NAV3: variants seen among roughly 807,000 people sequenced by gnomAD.
The protein encoded by NAV3 is pore membrane and/or filament interacting like protein 1.
Under a neutral mutation model 244.7 loss-of-function variants are expected in NAV3, and 87 were observed. The ratio of observed to expected loss-of-function variants is 0.36; its 90% CI spans 0.30 to 0.42. The LOEUF is 0.42. Ranked by LOEUF, NAV3 falls within the 20% of genes least tolerant of loss-of-function variation. The pLI is 1.00. For missense variants in NAV3, 2,663 were observed against 2,893.3 expected, an observed-to-expected ratio of 0.92 and a Z score of 1.83; for synonymous variants, 1,126 against 1,042.2, an observed-to-expected ratio of 1.08 and a Z score of -1.55.
rs148442167 is a variant in NAV3 at position 77,632,478 on chromosome 12, A to G, written c.72+60212A>G. 3.2e-3 allele frequency among the ~76,000 whole-genome samples: 485 copies of G among 152,274 alleles called. 1 individual carries two copies. The highest frequency in any genetic ancestry group is 0.011 in the African/African-American group (444 of 41,556). On this transcript the variant is annotated intron_variant, in intron 2 of 8. Coordinates refer to the NAV3 transcript ENST00000550042. ...AGCTTGTGCAGGAGAACTCCTCTTT[A>G]TAAAACCATCAGATCTAGTGAGACT...
intron 9 of NAV3, among the ~76,000 whole-genome samples, chr12:78,046,352 T>C (rs555180649): frequency 6.6e-6 from 1 of 152,348 alleles, no homozygotes; most frequent in African/African-American, 2.4e-5. Flanking sequence ...TTTCCTGCTT[T>C]CTTCTGTGGG....
chr12:77,779,569 G>T (rs1004802239), intron 2 of NAV3, among the ~76,000 whole-genome samples: 13 of 151,854 alleles, frequency 8.6e-5, no homozygotes, highest in Non-Finnish European at 2.9e-5. Flanking sequence ...CTTTTTTTCA[G>T]GTTTTATAAC....
chr12:78,175,187 A>T, intron 24 of NAV3, 119 bp from the exon 25 acceptor site: 1 of 1,058,452 alleles, frequency 9.4e-7, no homozygotes, highest in Non-Finnish European at 1.3e-6. Flanking sequence ...CATTGAAATT[A>T]TCTGTACAAA....
At chr12:77,984,401 G>T (rs182720541) in intron 5 of NAV3, among the ~76,000 whole-genome samples, 4 of 152,198 alleles carry the variant, frequency 2.6e-5, no homozygotes, top group Admixed American at 2.0e-4. Flanking sequence ...AAGTGCAGGT[G>T]TGCAGGGTAA....
intron 2 of NAV3, among the ~76,000 whole-genome samples, chr12:77,722,343 T>C (rs368082233): frequency 1.3e-5 from 2 of 152,216 alleles, no homozygotes; most frequent in East Asian, 1.9e-4. Context: ...AATATACTCA[T>C]ACTCTTTCAG....
At chr12:77,946,089 C>CAT (rs926445762) in intron 3 of NAV3, among the ~76,000 whole-genome samples, 3 of 81,804 alleles carry the variant, frequency 3.7e-5, no homozygotes, top group Admixed American at 1.5e-4. Flanking sequence ...AAAAATTCAC[C>CAT]ATATATATAT....
intron 2 of NAV3, among the ~76,000 whole-genome samples, chr12:77,771,515 A>G (rs1870085401): frequency 6.6e-6 from 1 of 152,212 alleles, no homozygotes; most frequent in South Asian, 2.1e-4. Context: ...GAACCAACCC[A>G]AATGTCCCAC....
At chr12:77,931,622 T>A (rs2619069) in intron 1 of NAV3, among the ~76,000 whole-genome samples, 6 of 151,882 alleles carry the variant, frequency 4.0e-5, no homozygotes, top group African/African-American at 7.3e-5. Context: ...ATCCCAGCAC[T>A]TTGGGAGGCC....
At chr12:78,008,773 C>G (rs1481029262) in intron 8 of NAV3, among the ~76,000 whole-genome samples, 1 of 151,974 alleles carries the variant, frequency 6.6e-6, no homozygotes, top group Non-Finnish European at 1.5e-5. Context: ...TTGAATGTTG[C>G]TATTCTGACT....
intron 1 of NAV3, among the ~76,000 whole-genome samples, chr12:77,873,910 C>T (rs1202688466): frequency 3.3e-5 from 5 of 151,140 alleles, no homozygotes; most frequent in Admixed American, 1.3e-4. Flanking sequence ...TGGTACCGGT[C>T]TGTGGCCTGT....
rs543903958 is a variant in NAV3, at chr12:77,641,000, C to T, written c.72+68734C>T. Among the ~76,000 whole-genome samples the T allele has an allele frequency of 7.4e-4, 113 of 152,166 alleles. 3 individuals carry two copies. The South Asian group carries it at 0.023, about 31-fold the overall frequency. On this transcript the variant is annotated intron_variant, in intron 2 of 8. Coordinates refer to the NAV3 transcript ENST00000550042. The stretch of plus-strand genomic sequence containing the variant: ...TGACATTGACTAGTGATTGACTATA[C>T]AAGACTTTACATAGCAAGCAGCTTC...
At chr12:78,123,570 T>C (rs1439711432) in intron 16 of NAV3, among the ~76,000 whole-genome samples, 1 of 152,190 alleles carries the variant, frequency 6.6e-6, no homozygotes. Flanking sequence ...ATTGCTTCTT[T>C]CCCTCTTTAC....
intron 1 of NAV3, among the ~76,000 whole-genome samples, chr12:77,841,554 A>C (rs2136169404): frequency 6.6e-6 from 1 of 152,312 alleles, no homozygotes; most frequent in Middle Eastern, 3.4e-3. Context: ...GGGTTAACAA[A>C]CTATGACCCA....
At position 77,676,874 on chromosome 12, in the gene NAV3, G is replaced by A. The variant is rs148757590; in HGVS notation, c.72+104608G>A. Among the ~76,000 whole-genome samples the A allele has an allele frequency of 4.1e-4, 62 of 152,270 alleles. 1 individual carries two copies. The highest frequency in any genetic ancestry group is 1.3e-3 in the African/African-American group (56 of 41,554). On this transcript the variant is annotated intron_variant, in intron 2 of 8. Transcript: ENST00000550042. ...TATGAGGGAAAGTTAAGGACCTAGG[G>A]TTAGGGTAAGGGTGAGGTGTATGAG...
At chr12:77,608,791 GCA>G (rs1870782108) in intron 2 of NAV3, among the ~76,000 whole-genome samples, 1 of 151,878 alleles carries the variant, frequency 6.6e-6, no homozygotes, top group African/African-American at 2.4e-5. Context: ...TTTCTGGCAT[GCA>G]GTGTGACACA....
intron 12 of NAV3, among the ~76,000 whole-genome samples, chr12:78,074,760 C>G (rs926449212): frequency 1.2e-4 from 19 of 152,068 alleles, no homozygotes; most frequent in Non-Finnish European, 2.6e-4. Context: ...AATTAGTATT[C>G]CAATGCCAAT....
At chr12:78,088,703 A>G (rs1053416770) in intron 12 of NAV3, 2 of 152,126 alleles carry the variant, frequency 1.3e-5, no homozygotes, top group African/African-American at 2.4e-5. Flanking sequence ...AGTCTTGCCT[A>G]TCTTAGGCAG....
intron 2 of NAV3, among the ~76,000 whole-genome samples, chr12:77,699,289 C>T (rs1221972792): frequency 2.0e-5 from 3 of 152,112 alleles, no homozygotes; most frequent in African/African-American, 4.8e-5. Context: ...GCGTTATTCT[C>T]AATGCCCTGG....
At chr12:77,594,037 C>T (rs1007922562) in intron 2 of NAV3, among the ~76,000 whole-genome samples, 1 of 152,076 alleles carries the variant, frequency 6.6e-6, no homozygotes, top group African/African-American at 2.4e-5. Context: ...TTTCGCAGGT[C>T]TACTTAATGC....
Sources: allele counts gnomAD v4.1 joint callset (sites outside exome capture counted in the v4.1 genomes callset), GRCh38; gene constraint gnomAD v4.1.1; transcripts MANE v1.5; gene names NCBI Gene and HGNC (gene_info 2026-07-23, HGNC 2026-07-21).